The following CHD1L variants were observed in gnomAD, a reference collection of about 807,000 sequenced individuals.
The protein encoded by CHD1L is chromodomain helicase DNA binding protein 1 like.
In CHD1L, 118 loss-of-function variants were observed where a neutral mutation model predicts 115.9. The observed-to-expected ratio is 1.02, with a 90% confidence interval of 0.88 to 1.19. The LOEUF (loss-of-function observed/expected upper bound fraction) is 1.19, where lower values mean the gene tolerates loss of function less well. Ranked by LOEUF, CHD1L falls within the 50% of genes most tolerant of loss-of-function variation. The pLI is 0.00. For missense variants in CHD1L, 1,179 were observed against 1,065.3 expected (o/e 1.11, Z -1.49); for synonymous variants, 411 against 387.1 (o/e 1.06, Z -0.72).
rs1666445267 is a variant in CHD1L at position 147,245,872 on chromosome 1, TAC to T, written c.127+3043_127+3044del. 2.6e-5 allele frequency among the ~76,000 whole-genome samples: 4 copies of T among 152,190 alleles called. No homozygotes were observed. The South Asian group carries it at 8.3e-4, about 32-fold the overall frequency. On this transcript the variant is annotated intron_variant, in intron 1 of 22. Coordinates refer to ENST00000369258, the MANE Select transcript of CHD1L (RefSeq NM_004284.6). The stretch of plus-strand genomic sequence containing the variant: ...ATACGGAAGGATCCCATGTAACCTT[TAC>T]CCAGTTTCCCCTCGTGGTCATATCT...
At chr1:147,278,539 A>T (rs1263801410) in intron 14 of CHD1L, among the ~76,000 whole-genome samples, 10 of 139,134 alleles carry the variant, frequency 7.2e-5, no homozygotes, top group South Asian at 6.9e-4. Flanking sequence ...TTTTTTTTTT[A>T]AATACCAAGA....
At position 147,267,536 on chromosome 1, in the gene CHD1L, C is replaced by T. The variant is rs191318054; in HGVS notation, c.988+18C>T. The T allele has an allele frequency of 1.3e-6, 2 of 1,574,990 alleles. No homozygotes were observed. Among genetic ancestry groups the T allele is most frequent in the African/African-American group, 1.4e-5 (1 of 72,552 alleles). ...GTTTGATGGTGAGACAGTGCCTTTTCCCCCCACATTATTCTTTGGTAATGT... is the reference window on the plus strand; with the variant it reads ...GTTTGATGGTGAGACAGTGCCTTTTTCCCCCACATTATTCTTTGGTAATGT... On this transcript the variant is annotated intron_variant, in intron 9 of 22. Coordinates refer to ENST00000369258, the MANE Select transcript of CHD1L (RefSeq NM_004284.6).
the CHD1L span, among the ~76,000 whole-genome samples, chr1:147,190,985 A>C: frequency 8.6e-5 from 13 of 152,032 alleles, no homozygotes; most frequent in South Asian, 2.5e-3. Context: ...TTTCCAGTTT[A>C]ATCCATGTCC....
the CHD1L span, among the ~76,000 whole-genome samples, chr1:147,233,440 C>A: frequency 8.0e-6 from 1 of 125,132 alleles, no homozygotes; most frequent in Admixed American, 7.4e-5. Flanking sequence ...AGCCCCCCCG[C>A]CCGGCCAGCC....
intron 7 of CHD1L, 32 bp from the exon 8 acceptor site, chr1:147,265,900 C>T (rs1279559718): frequency 1.3e-5 from 20 of 1,586,462 alleles, no homozygotes; most frequent in Non-Finnish European, 1.5e-5. Context: ...TACTTTTGTC[C>T]CACACTTCTT....
the CHD1L span, among the ~76,000 whole-genome samples, chr1:147,198,872 A>AAAAGAAAGAAAG: frequency 2.3e-4 from 33 of 144,670 alleles, no homozygotes; most frequent in South Asian, 4.6e-4. Context: ...AAAAAAAAAA[A>AAAAGAAAGAAAG]AAAGAAAGAA....
chr1:147,190,348 G>C, the CHD1L span: 1 of 753,834 alleles, frequency 1.3e-6, no homozygotes, highest in Non-Finnish European at 2.2e-6. Context: ...AAGAAATACA[G>C]GGTAAGTTTC....
In CHD1L at chr1:147,290,850, C is replaced by T. The variant is rs1004412449; in HGVS notation, c.2321-632C>T. 6.6e-5 allele frequency among the ~76,000 whole-genome samples: 10 copies of T among 151,994 alleles called. No individual in the cohort carries two copies. The East Asian group carries it at 1.2e-3, about 18-fold the overall frequency. On this transcript the variant is annotated intron_variant, in intron 19 of 22. Transcript: ENST00000369258. Reference sequence around the variant, plus strand: ...TATTTTTTGTAGAGACTGGGTCTTGCGCCTTGTTGCCCAGGTTAGTCTGGA... The same window carrying T: ...TATTTTTTGTAGAGACTGGGTCTTGTGCCTTGTTGCCCAGGTTAGTCTGGA...
chr1:147,195,079 C>T, the CHD1L span, among the ~76,000 whole-genome samples: 4 of 152,046 alleles, frequency 2.6e-5, no homozygotes, highest in Admixed American at 2.6e-4. Context: ...GGGAAGTTCT[C>T]CTGGATAATA....
In CHD1L at chr1:147,268,766, GTTCT is replaced by G. The variant is rs1674961370; in HGVS notation, c.989-9_989-6del. On this transcript the variant is annotated splice_polypyrimidine_tract_variant and intron_variant, in intron 9 of 22. Coordinates refer to ENST00000369258, the MANE Select transcript of CHD1L (RefSeq NM_004284.6). ...ACTGAGGGCACATTACTGGGAGTGGGTTCTTTCTTTTCTAGGTGTGGAGCCGGAG... is the reference window on the plus strand; with the variant it reads ...ACTGAGGGCACATTACTGGGAGTGGGTTCTTTTCTAGGTGTGGAGCCGGAG... 2 of 1,609,814 alleles carry G rather than the reference GTTCT, an allele frequency of 1.2e-6. No homozygotes were observed. Among genetic ancestry groups the G allele is most frequent in the Non-Finnish European group, 1.7e-6 (2 of 1,176,922 alleles).
the CHD1L span, among the ~76,000 whole-genome samples, chr1:147,216,672 A>T: frequency 6.6e-6 from 1 of 152,190 alleles, no homozygotes; most frequent in African/African-American, 2.4e-5. Flanking sequence ...ATGCCCAAAA[A>T]AACAACTGAA....
the CHD1L span, chr1:147,186,688 A>T: frequency 7.2e-7 from 1 of 1,385,576 alleles, no homozygotes; most frequent in Admixed American, 3.1e-5. Flanking sequence ...TACCACAAGG[A>T]AGAGTGACGG....
At chr1:147,232,416 C>T in the CHD1L span, among the ~76,000 whole-genome samples, 11 of 152,114 alleles carry the variant, frequency 7.2e-5, no homozygotes, top group Middle Eastern at 3.2e-3. Context: ...GCTCCTAGAG[C>T]GGTTGTATTC....
In CHD1L at chr1:147,293,620, G is replaced by A; in HGVS notation, c.2404G>A (p.Val802Met). The stretch of plus-strand genomic sequence containing the variant: ...TGGTTCTTTCCAGTTGGCCTTGATT[G>A]TGGCTCAGCATCGTGATCGTTCCAA... ...NKGQDLLALI[V>M]AQHRDRSNVL... Residue 802 changes from valine (V) to methionine (M), a missense_variant, in exon 21 of 23, where the codon GTG becomes ATG. Val to Met is a conservative substitution (Grantham distance 21). Coordinates refer to ENST00000369258, the MANE Select transcript of CHD1L (RefSeq NM_004284.6). 1 of 1,613,980 alleles carries A rather than the reference G, an allele frequency of 6.2e-7. No homozygotes were observed. Among genetic ancestry groups the A allele is most frequent in the Non-Finnish European group, 8.5e-7 (1 of 1,179,968 alleles).
chr1:147,243,525 C>T (rs1665568347), intron 1 of CHD1L, among the ~76,000 whole-genome samples: 1 of 152,056 alleles, frequency 6.6e-6, no homozygotes. Context: ...CCTTGCATGC[C>T]CCCCAGCCCT....
rs782550003 is a variant in CHD1L at position 147,287,722 on chromosome 1, G to C, written c.2309G>C (p.Gly770Ala). ...AEPRKIYELA[G>A]KMKDLSLGGV... ...CCAAGAAAAATATATGAGCTGGCTG[G>C]GAAAATGAAAGGTAAGAAGCAAAGC... The change falls in exon 19 of 23, where the codon GGG becomes GCG. Residue 770 changes from glycine (G) to alanine (A), a missense_variant. Physicochemically the swap from Gly to Ala is moderately conservative, Grantham distance 60 (BLOSUM62 0). Coordinates refer to ENST00000369258, the MANE Select transcript of CHD1L (RefSeq NM_004284.6). 11 of 1,613,838 alleles carry C rather than the reference G, an allele frequency of 6.8e-6. No homozygotes were observed. Among genetic ancestry groups the C allele is most frequent in the Non-Finnish European group, 8.5e-6 (10 of 1,179,958 alleles).
the CHD1L span, among the ~76,000 whole-genome samples, chr1:147,212,988 G>A: frequency 6.6e-6 from 1 of 151,642 alleles, no homozygotes. Context: ...CTCAATATTT[G>A]TGTTTACTGC....
chr1:147,287,706 A>G lies in CHD1L; in HGVS notation c.2293A>G (p.Ile765Val), dbSNP rs781832900. ...LEKRSAEPRK[I>V]YELAGKMKDL... ...AAAGCGATCCGCTGAGCCAAGAAAA[A>G]TATATGAGCTGGCTGGGAAAATGAA... The change falls in exon 19 of 23, where the codon ATA becomes GTA. Residue 765 changes from isoleucine (I) to valine (V), a missense_variant. Transcript: ENST00000369258. 6 of 1,613,954 alleles carry G rather than the reference A, an allele frequency of 3.7e-6. No individual in the cohort carries two copies. The African/African-American group carries it at 6.7e-5, about 18-fold the overall frequency.
At chr1:147,240,840 C>T (rs1423244455), upstream of CHD1L, among the ~76,000 whole-genome samples, 4 of 152,160 alleles carry the variant, frequency 2.6e-5, no homozygotes, top group Non-Finnish European at 4.4e-5. Context: ...CACTATTACC[C>T]TATTGTCCTG....
Sources: allele counts gnomAD v4.1 joint callset (sites outside exome capture counted in the v4.1 genomes callset), GRCh38; gene constraint gnomAD v4.1.1; transcripts MANE v1.5; gene names NCBI Gene and HGNC (gene_info 2026-07-23, HGNC 2026-07-21).